SLC30A5: variants seen among roughly 807,000 people sequenced by gnomAD.
SLC30A5 encodes the protein proton-coupled zinc antiporter SLC30A5.
Under a neutral mutation model 79.6 loss-of-function variants are expected in SLC30A5, and 33 were observed. The ratio of observed to expected loss-of-function variants is 0.41; its 90% CI spans 0.31 to 0.55. The LOEUF is 0.55. SLC30A5 is among the 20% of genes least tolerant of loss of function. The pLI is 0.20. For synonymous variants in SLC30A5, 299 were observed against 319.7 expected (o/e 0.94, Z 0.69); for missense variants, 788 against 928.1 (o/e 0.85, Z 1.96).
intron 1 of SLC30A5, among the ~76,000 whole-genome samples, chr5:69,098,060 T>G (rs1745797699): frequency 6.6e-6 from 1 of 151,716 alleles, no homozygotes; most frequent in Non-Finnish European, 1.5e-5. Context: ...ATTGCCCAGG[T>G]TGGTCTTGAA....
chr5:69,101,692 C>T (rs941991467), intron 2 of SLC30A5, among the ~76,000 whole-genome samples: 14 of 151,690 alleles, frequency 9.2e-5, no homozygotes, highest in Non-Finnish European at 1.8e-4. Flanking sequence ...CACGGTGGCT[C>T]ATGCCTGTAA....
chr5:69,128,173 C>A, intron 15 of SLC30A5, 41 bp downstream of exon 15: 4 of 1,518,454 alleles, frequency 2.6e-6, no homozygotes, highest in Admixed American at 3.6e-5. Flanking sequence ...TGAGGTCATT[C>A]ATACCCAAAA....
In SLC30A5 at chr5:69,123,655, G is replaced by C. The variant is rs547708452; in HGVS notation, c.1998+230G>C. The C allele has an allele frequency of 4.8e-4, 197 of 410,630 alleles. 1 individual carries two copies. The highest frequency in any genetic ancestry group is 6.9e-4 in the Non-Finnish European group (158 of 227,550). The allele number at this position is 410,630 out of a possible 1,614,324, so 25.4% of individuals were successfully genotyped here. On this transcript the variant is annotated intron_variant, in intron 14 of 15. Coordinates refer to ENST00000396591, the MANE Select transcript of SLC30A5 (RefSeq NM_022902.5). Reference sequence around the variant, plus strand: ...ATATAAAACAGGGACCGAATAGATGGATGAGATTTTCTTGGATGAGAAGAC... The same window carrying C: ...ATATAAAACAGGGACCGAATAGATGCATGAGATTTTCTTGGATGAGAAGAC...
intron 15 of SLC30A5, among the ~76,000 whole-genome samples, chr5:69,129,029 A>G (rs1437071809): frequency 6.6e-6 from 1 of 152,042 alleles, no homozygotes; most frequent in East Asian, 1.9e-4. Context: ...AGATCTCACT[A>G]TGTTGCCCAG....
In SLC30A5 at chr5:69,121,728, T is replaced by C. The variant is rs1216213187; in HGVS notation, c.1604T>C (p.Ile535Thr). 3.1e-6 allele frequency: 5 copies of C among 1,613,634 alleles called. No individual in the cohort carries two copies. Among genetic ancestry groups the C allele is most frequent in the Non-Finnish European group, 3.4e-6 (4 of 1,179,758 alleles). ...VSVGGLIVNL[I>T]GICAFSHAHS... ...GTTGGAGGGCTGATAGTAAACCTTA[T>C]TGGTATCTGTGCCTTTAGCCATGCC... Residue 535 changes from isoleucine (I) to threonine (T), a missense_variant, in exon 13 of 16, where the codon ATT (isoleucine) becomes ACT (threonine). Coordinates refer to ENST00000396591, the MANE Select transcript of SLC30A5 (RefSeq NM_022902.5).
chr5:69,115,549 G>T, intron 8 of SLC30A5, 142 bp downstream of exon 8: 6 of 682,610 alleles, frequency 8.8e-6, no homozygotes, highest in South Asian at 5.6e-5. Context: ...TTTCTTTGTA[G>T]TTTTTTAAAA....
At chr5:69,094,981 G>A (rs1745680461) in intron 1 of SLC30A5, among the ~76,000 whole-genome samples, 1 of 152,082 alleles carries the variant, frequency 6.6e-6, no homozygotes, top group African/African-American at 2.4e-5. Context: ...GGGACCAACA[G>A]GTGCAGCGAC....
At chr5:69,114,282 T>C in intron 6 of SLC30A5, 138 bp from the exon 7 acceptor site, 1 of 481,512 alleles carries the variant, frequency 2.1e-6, no homozygotes, top group Non-Finnish European at 3.7e-6. Context: ...GTGAAACATG[T>C]TATTGAAAGT....
In SLC30A5 at chr5:69,114,471, C is replaced by T. The variant is rs1746310025; in HGVS notation, c.587C>T (p.Ala196Val). The change falls in exon 7 of 16, where the codon GCC becomes GTC. Residue 196 changes from alanine to valine, a missense_variant. Physicochemically the swap from Ala to Val is moderately conservative, Grantham distance 64. Around this residue, in one of 3 missense-constraint regions of SLC30A5, gnomAD observed 626 missense variants for 755.5 expected, o/e 0.83. Coordinates refer to ENST00000396591, the MANE Select transcript of SLC30A5 (RefSeq NM_022902.5). ...ACTCATATGCTTTACACAGCCATTG[C>T]CTTCTTAGGTGTGGCAGATCACAAG... is the stretch of plus-strand genomic sequence containing the variant. Reference protein sequence around the residue: ...ALTHMLYTAIAFLGVADHKGG... With the variant: ...ALTHMLYTAIVFLGVADHKGG... 1 of 1,605,342 alleles carries T rather than the reference C, an allele frequency of 6.2e-7. No homozygotes were observed. The highest frequency in any genetic ancestry group is 8.5e-7 in the Non-Finnish European group (1 of 1,172,898).
At chr5:69,109,300 A>G (rs941872530) in intron 5 of SLC30A5, among the ~76,000 whole-genome samples, 2 of 152,156 alleles carry the variant, frequency 1.3e-5, no homozygotes, top group Admixed American at 1.3e-4. Flanking sequence ...AACATCTCGT[A>G]TACCCCATAA....
Position 69,099,851 on chromosome 5 carries a change from C to G in SLC30A5, c.84-956C>G, listed in dbSNP as rs1052899935. Among the ~76,000 whole-genome samples the G allele has an allele frequency of 6.6e-5, 10 of 152,346 alleles. No individual in the cohort carries two copies. The East Asian group carries it at 1.9e-3, about 29-fold the overall frequency. On this transcript the variant is annotated intron_variant, in intron 1 of 15. Transcript: ENST00000396591. ...AGCAGATAACAAAATAGTCCAGCAA[C>G]TCGATCAACAAAATTTTCATTTTTC... is the stretch of plus-strand genomic sequence containing the variant.
intron 13 of SLC30A5, among the ~76,000 whole-genome samples, chr5:69,122,740 T>C (rs1178732926): frequency 6.6e-6 from 1 of 152,210 alleles, no homozygotes; most frequent in African/African-American, 2.4e-5. Flanking sequence ...TAGTGACAGC[T>C]GAATAGATAT....
At chr5:69,127,355 A>C (rs796665280) in intron 14 of SLC30A5, among the ~76,000 whole-genome samples, 1 of 152,026 alleles carries the variant, frequency 6.6e-6, no homozygotes, top group South Asian at 2.1e-4. Flanking sequence ...ACAGCTGGGC[A>C]CGGTGGTCCA....
In SLC30A5 at chr5:69,127,473, C is replaced by CAAA. The variant is rs70989993; in HGVS notation, c.1999-511_1999-509dup. Among the ~76,000 whole-genome samples the CAAA allele has an allele frequency of 4.1e-3, 320 of 77,764 alleles. 2 individuals are homozygous for CAAA. The highest frequency in any genetic ancestry group is 0.027 in the East Asian group (68 of 2,550). The allele number at this position is 77,764 out of a possible 152,430, so 51.0% of individuals were successfully genotyped here. A position where few individuals can be genotyped will look rare whatever the true frequency, so the allele number is the denominator to read the frequency against. ...GTGAAACCCCATCTGTACTAAAATA[C>CAAA]AAAAAAAAAAAAAAAAAAAAAATTT... On this transcript the variant is annotated intron_variant, in intron 14 of 15. Transcript: ENST00000396591.
Position 69,094,075 on chromosome 5 carries a change from C to T in SLC30A5, c.-181C>T, listed in dbSNP as rs546686943. ...GCCGGAACTGATCGCGGCCTAGTCC[C>T]GACGCGTGTGTGCTAGTGAGCCGGA... is the stretch of plus-strand genomic sequence containing the variant. On this transcript the variant is annotated 5_prime_UTR_variant, in exon 1 of 16. Coordinates refer to ENST00000396591, the MANE Select transcript of SLC30A5 (RefSeq NM_022902.5). The T allele has an allele frequency of 6.7e-5, 27 of 401,966 alleles. No homozygotes were observed. Among genetic ancestry groups the T allele is most frequent in the Non-Finnish European group, 9.7e-5 (22 of 226,040 alleles). The allele number at this position is 401,966 out of a possible 1,614,324, so 24.9% of individuals were successfully genotyped here.
At chr5:69,113,361 T>G (rs1746284856) in intron 6 of SLC30A5, 134 bp downstream of exon 6, 1 of 593,702 alleles carries the variant, frequency 1.7e-6, no homozygotes, top group Admixed American at 3.5e-5. Context: ...AATGTAGATA[T>G]TCTAAATCAG....
intron 6 of SLC30A5, among the ~76,000 whole-genome samples, chr5:69,113,785 G>A (rs375244328): frequency 5.3e-5 from 8 of 152,024 alleles, no homozygotes; most frequent in African/African-American, 1.9e-4. Flanking sequence ...CCATCCAGCA[G>A]AACTCCAAGC....
intron 5 of SLC30A5, among the ~76,000 whole-genome samples, chr5:69,110,933 G>A (rs982603580): frequency 1.3e-5 from 2 of 151,514 alleles, no homozygotes; most frequent in African/African-American, 4.8e-5. Flanking sequence ...CTAGAAGTGA[G>A]AGTGTTCTCA....
chr5:69,109,886 C>G (rs764231443), intron 5 of SLC30A5, among the ~76,000 whole-genome samples: 2 of 152,106 alleles, frequency 1.3e-5, no homozygotes, highest in Non-Finnish European at 2.9e-5. Context: ...GCTAGGGAAC[C>G]AGGCCGCTTA....
Sources: allele counts gnomAD v4.1 joint callset (sites outside exome capture counted in the v4.1 genomes callset), GRCh38; gene constraint gnomAD v4.1.1; regional missense constraint gnomAD v4.1.1; transcripts MANE v1.5; gene names NCBI Gene and HGNC (gene_info 2026-07-23, HGNC 2026-07-21).